C12orf42: variants seen among roughly 807,000 people sequenced by gnomAD.
C12orf42 encodes the protein chromosome 12 open reading frame 42, also known as uncharacterized protein C12orf42.
Under a neutral mutation model 21.6 loss-of-function variants are expected in C12orf42, and 25 were observed. The observed-to-expected ratio is 1.16, with a 90% CI of 0.84 to 1.62. The LOEUF (loss-of-function observed/expected upper bound fraction) is 1.62, where lower values mean the gene tolerates loss of function less well. Ranked by LOEUF, C12orf42 falls within the 40% of genes most tolerant of loss-of-function variation. C12orf42 has a pLI of 0.00. For synonymous variants in C12orf42, 174 were observed against 175.0 expected (o/e 0.99, Z 0.05); for missense variants, 483 against 459.3 (o/e 1.05, Z -0.47).
downstream of C12orf42, chr12:103,268,246 A>G (rs2035267511): frequency 6.6e-6 from 1 of 151,764 alleles, no homozygotes; most frequent in Admixed American, 6.6e-5. Flanking sequence ...TAAGCTGTTT[A>G]TACATCTTCT....
intron 6 of C12orf42, among the ~76,000 whole-genome samples, chr12:103,269,269 G>A (rs2035322487): frequency 6.6e-6 from 1 of 152,146 alleles, no homozygotes; most frequent in Admixed American, 6.5e-5. Context: ...TCAGAGGAAG[G>A]AAGCGGATGA....
At chr12:103,164,198 C>T in the C12orf42 span, among the ~76,000 whole-genome samples, 1 of 152,230 alleles carries the variant, frequency 6.6e-6, no homozygotes, top group African/African-American at 2.4e-5. Flanking sequence ...AGAGTCTCCA[C>T]AAGATGCTCT....
At chr12:103,050,021 G>A in the C12orf42 span, among the ~76,000 whole-genome samples, 2 of 152,254 alleles carry the variant, frequency 1.3e-5, no homozygotes, top group South Asian at 2.1e-4. Context: ...CCCCCGCTAA[G>A]CAATGAACTA....
chr12:103,071,199 C>T, the C12orf42 span, among the ~76,000 whole-genome samples: 1 of 152,104 alleles, frequency 6.6e-6, no homozygotes, highest in Non-Finnish European at 1.5e-5. Context: ...AAACTATCTC[C>T]AAATTTGAAA....
intron 4 of C12orf42, among the ~76,000 whole-genome samples, chr12:103,333,013 T>C (rs1331567570): frequency 2.6e-5 from 4 of 152,078 alleles, no homozygotes; most frequent in African/African-American, 4.8e-5. Context: ...GCAATGAAGA[T>C]GAAAAATGCC....
At chr12:103,483,230 G>A (rs775573892) in intron 1 of C12orf42, among the ~76,000 whole-genome samples, 8 of 152,058 alleles carry the variant, frequency 5.3e-5, no homozygotes, top group South Asian at 2.1e-4. Context: ...GTGATGATGC[G>A]TGTAGGTTAA....
At chr12:103,295,286 T>C (rs1165954193) in intron 4 of C12orf42, among the ~76,000 whole-genome samples, 1 of 152,154 alleles carries the variant, frequency 6.6e-6, no homozygotes. Flanking sequence ...TTTAGAGTCT[T>C]TTATAGAGAG....
At chr12:103,284,061 A>T (rs1458791199) in intron 4 of C12orf42, among the ~76,000 whole-genome samples, 1 of 152,208 alleles carries the variant, frequency 6.6e-6, no homozygotes, top group African/African-American at 2.4e-5. Context: ...AATCTTGTCA[A>T]TAACTTGTGA....
chr12:103,400,038 T>C (rs1236264054), intron 3 of C12orf42, among the ~76,000 whole-genome samples: 2 of 152,220 alleles, frequency 1.3e-5, no homozygotes, highest in Non-Finnish European at 2.9e-5. Flanking sequence ...ACGAAAGTAT[T>C]TTAAAGATAT....
chr12:103,232,482 G>A, the C12orf42 span, among the ~76,000 whole-genome samples: 1 of 152,094 alleles, frequency 6.6e-6, no homozygotes, highest in East Asian at 1.9e-4. Flanking sequence ...GCCGAGGCGG[G>A]CGGATCATGA....
chr12:103,142,940 A>T, the C12orf42 span, among the ~76,000 whole-genome samples: 3 of 152,314 alleles, frequency 2.0e-5, no homozygotes, highest in Non-Finnish European at 4.4e-5. Context: ...AATTCTATTT[A>T]ATATACAAAA....
intron 10 of C12orf42, among the ~76,000 whole-genome samples, chr12:103,258,800 A>C (rs1003971354): frequency 4.6e-5 from 7 of 152,160 alleles, no homozygotes; most frequent in Non-Finnish European, 1.0e-4. Context: ...TTAATGAAGA[A>C]AAAATCAAAA....
chr12:103,459,954 C>T (rs1051813898), intron 2 of C12orf42, among the ~76,000 whole-genome samples: 1 of 152,094 alleles, frequency 6.6e-6, no homozygotes, highest in African/African-American at 2.4e-5. Flanking sequence ...TCCTCAGCAA[C>T]CTTGAAAGCT....
chr12:103,219,619 T>G, the C12orf42 span, among the ~76,000 whole-genome samples: 81 of 152,328 alleles, frequency 5.3e-4, 1 homozygote, highest in African/African-American at 1.9e-3. Context: ...CAGACACTCC[T>G]CAAAAGAAGA....
chr12:103,227,902 A>T, the C12orf42 span, among the ~76,000 whole-genome samples: 1 of 152,188 alleles, frequency 6.6e-6, no homozygotes, highest in Non-Finnish European at 1.5e-5. Flanking sequence ...GAAAGGAGAA[A>T]GTGGTTGAGG....
the C12orf42 span, among the ~76,000 whole-genome samples, chr12:103,552,429 A>G: frequency 6.6e-6 from 1 of 152,242 alleles, no homozygotes; most frequent in African/African-American, 2.4e-5. Context: ...ATTTTCATCA[A>G]TACTGACTTT....
the C12orf42 span, among the ~76,000 whole-genome samples, chr12:103,204,609 C>T: frequency 1.3e-5 from 2 of 152,150 alleles, no homozygotes; most frequent in South Asian, 4.1e-4. Flanking sequence ...TCTTTCCAGA[C>T]ACTCAAAATG....
At chr12:103,077,581 C>T in the C12orf42 span, among the ~76,000 whole-genome samples, 2 of 152,202 alleles carry the variant, frequency 1.3e-5, no homozygotes, top group African/African-American at 4.8e-5. Flanking sequence ...GGACACAGAG[C>T]AGGCAGTGAT....
the C12orf42 span, among the ~76,000 whole-genome samples, chr12:103,069,418 C>T: frequency 1.3e-5 from 2 of 152,082 alleles, no homozygotes; most frequent in African/African-American, 4.8e-5. Context: ...TATCAAACAT[C>T]ATAGCTTAGC....
Sources: allele counts gnomAD v4.1 joint callset (sites outside exome capture counted in the v4.1 genomes callset), GRCh38; gene constraint gnomAD v4.1.1; transcripts MANE v1.5; gene names NCBI Gene and HGNC (gene_info 2026-07-23, HGNC 2026-07-21).